The following ATR variants were observed in gnomAD, a reference collection of about 807,000 sequenced individuals.
ATR encodes the protein serine/threonine-protein kinase ATR.
A neutral mutation model predicts 305.3 loss-of-function variants in ATR; 142 were observed. The ratio of observed to expected loss-of-function variants is 0.47; its 90% CI spans 0.41 to 0.53. The LOEUF is 0.53. ATR is among the 20% of genes least tolerant of loss of function. The pLI, the probability that ATR is intolerant of heterozygous loss-of-function variation, is 0.00. For missense variants in ATR, 2,135 were observed against 3,133.1 expected (o/e 0.68, Z 7.60); for synonymous variants, 1,050 against 1,068.1 (o/e 0.98, Z 0.33).
chr3:142,488,898 T>G (rs888138010), intron 35 of ATR, among the ~76,000 whole-genome samples: 1 of 152,238 alleles, frequency 6.6e-6, no homozygotes, highest in African/African-American at 2.4e-5. Context: ...CATTCATACA[T>G]GTATTCTAGC....
chr3:142,549,216 T>C (rs2034388308), intron 15 of ATR, among the ~76,000 whole-genome samples: 1 of 152,296 alleles, frequency 6.6e-6, no homozygotes, highest in Non-Finnish European at 1.5e-5. Context: ...AACTGAAAAG[T>C]ACTATAATGA....
chr3:142,515,974 C>T (rs1234363266), intron 24 of ATR, among the ~76,000 whole-genome samples: 1 of 152,194 alleles, frequency 6.6e-6, no homozygotes, highest in Non-Finnish European at 1.5e-5. Flanking sequence ...CAATGACTTT[C>T]TTCTCTACTT....
intron 41 of ATR, among the ~76,000 whole-genome samples, chr3:142,463,365 G>A (rs745917258): frequency 6.6e-6 from 1 of 152,176 alleles, no homozygotes; most frequent in East Asian, 1.9e-4. Context: ...TCAGTAGTTA[G>A]TGAATTAAGG....
At chr3:142,569,872 C>T (rs897281804) in intron 1 of ATR, among the ~76,000 whole-genome samples, 2 of 151,538 alleles carry the variant, frequency 1.3e-5, no homozygotes, top group Non-Finnish European at 2.9e-5. Context: ...GTCTCAATCT[C>T]CTGACCTCGT....
chr3:142,450,281 G>T, intron 46 of ATR: 1 of 804,768 alleles, frequency 1.2e-6, no homozygotes, highest in South Asian at 1.4e-5. Context: ...TTTTGCAGTT[G>T]CAAACCAGCT....
chr3:142,555,971 A>G lies in ATR; in HGVS notation c.2247T>C (p.Ser749=). ...DLFCRNLKAT[S]QHECSSSQLK... ...GTTGAGAAGATGAACATTCATGTTG[A>G]GAAGTGGCTTTCAAGTTCCTACAGA... is the stretch of plus-strand genomic sequence containing the variant. The change falls in exon 10 of 47, where the codon TCT becomes TCC. Residue 749 remains serine (S), a synonymous_variant. Transcript: ENST00000350721. 6.2e-7 allele frequency: 1 copy of G among 1,614,010 alleles called. No individual in the cohort carries two copies. The highest frequency in any genetic ancestry group is 8.5e-7 in the Non-Finnish European group (1 of 1,179,956).
At chr3:142,517,350 TA>T (rs56080837) in intron 24 of ATR, among the ~76,000 whole-genome samples, 88,960 of 143,418 alleles carry the variant, frequency 0.62, 27,903 homozygotes, top group African/African-American at 0.79. Flanking sequence ...GAGCCCAAAT[TA>T]AAAAAAAAAA....
rs139882495 is a variant in ATR, at chr3:142,469,686, T to C, written c.6320-117A>G. 10 of 851,152 alleles carry C rather than the reference T, an allele frequency of 1.2e-5. No homozygotes were observed. In the East Asian group the frequency reaches 2.1e-4, roughly 18 times the overall value. 52.7% of individuals were successfully genotyped at this position (851,152 alleles called of 1,614,324 possible). On this transcript the variant is annotated intron_variant, in intron 37 of 46. Coordinates refer to ENST00000350721, the MANE Select transcript of ATR (RefSeq NM_001184.4). ...ATAGCTTTAAAGTATGTTATTCCCA[T>C]GCCCAAGGTTAGGTCACTTGCCAAT...
At chr3:142,459,481 T>A in intron 42 of ATR, 98 bp from the exon 43 acceptor site, 1 of 1,343,162 alleles carries the variant, frequency 7.4e-7, no homozygotes. Context: ...CTACTTTTAT[T>A]CAAATTGTTA....
At chr3:142,452,477 C>A (rs1177434168) in intron 46 of ATR, 1 of 787,670 alleles carries the variant, frequency 1.3e-6, no homozygotes, top group Non-Finnish European at 1.5e-6. Flanking sequence ...GGGTTCAAGA[C>A]CAGCCTGGCC....
intron 13 of ATR, among the ~76,000 whole-genome samples, chr3:142,552,005 A>G (rs1024474257): frequency 2.0e-5 from 3 of 152,194 alleles, no homozygotes; most frequent in African/African-American, 7.2e-5. Context: ...AAGGACATAA[A>G]CAGACTCTTC....
intron 46 of ATR, chr3:142,450,419 A>C: frequency 6.3e-7 from 1 of 1,586,544 alleles, no homozygotes; most frequent in South Asian, 1.1e-5. Flanking sequence ...TTCACTTGTG[A>C]CAAGTTTAGC....
intron 35 of ATR, among the ~76,000 whole-genome samples, chr3:142,490,201 G>A (rs1289418801): frequency 1.3e-5 from 2 of 152,150 alleles, no homozygotes; most frequent in African/African-American, 4.8e-5. Context: ...TAAAACTATA[G>A]GCATTCGTCA....
intron 36 of ATR, among the ~76,000 whole-genome samples, chr3:142,476,484 T>C (rs1425071350): frequency 1.3e-5 from 2 of 152,326 alleles, no homozygotes; most frequent in East Asian, 3.9e-4. Flanking sequence ...CCATGCTGTT[T>C]TGGTTACTGT....
intron 1 of ATR, among the ~76,000 whole-genome samples, chr3:142,574,458 CAAAAA>C (rs59441794): frequency 2.6e-5 from 3 of 114,622 alleles, no homozygotes; most frequent in Admixed American, 9.3e-5. Context: ...GAGCCAGTCT[CAAAAA>C]AAAAAAAAAA....
At position 142,505,847 on chromosome 3, in the gene ATR, G is replaced by A. The variant is rs571731873; in HGVS notation, c.5032-544C>T. On this transcript the variant is annotated intron_variant, in intron 28 of 46. Transcript: ENST00000350721. ...GGATAAAGAAGAAAAGCAGACTGACGATAGAGATTAGAGTTTCTACATTTA... is the reference window on the plus strand; with the variant it reads ...GGATAAAGAAGAAAAGCAGACTGACAATAGAGATTAGAGTTTCTACATTTA... 5.3e-5 allele frequency among the ~76,000 whole-genome samples: 8 copies of A among 152,248 alleles called. No individual in the cohort carries two copies. In the South Asian group the frequency reaches 8.3e-4, roughly 16 times the overall value.
rs1328668787 is a variant in ATR at position 142,547,497 on chromosome 3, A to G, written c.3357+228T>C. ...GCCCTAAATATGTAAATATGTAAAC[A>G]AAGTTGTGATAATGCTATAAGAAAA... On this transcript the variant is annotated intron_variant, in intron 16 of 46. Coordinates refer to ENST00000350721, the MANE Select transcript of ATR (RefSeq NM_001184.4). 3.3e-5 allele frequency among the ~76,000 whole-genome samples: 5 copies of G among 152,362 alleles called. No individual in the cohort carries two copies. The East Asian group carries it at 9.6e-4, about 29-fold the overall frequency.
rs2108356595 is a variant in ATR at position 142,505,363 on chromosome 3, C to G, written c.5032-60G>C. On this transcript the variant is annotated intron_variant, in intron 28 of 46. Coordinates refer to ENST00000350721, the MANE Select transcript of ATR (RefSeq NM_001184.4). The stretch of plus-strand genomic sequence containing the variant: ...GAAAAAAACACAACTGGAAATAAAA[C>G]TATAAAACCACCTGTTTATATTGAA... The G allele has an allele frequency of 2.5e-6, 4 of 1,589,020 alleles. No homozygotes were observed. The South Asian group carries it at 3.3e-5, about 13-fold the overall frequency.
At chr3:142,451,451 A>G in intron 46 of ATR, 1 of 1,498,098 alleles carries the variant, frequency 6.7e-7, no homozygotes, top group African/African-American at 1.4e-5. Flanking sequence ...AAGTAAAAAT[A>G]GGAGACTTTG....
Sources: gnomAD v4.1 joint callset for allele counts (sites outside exome capture counted in the v4.1 genomes callset) on GRCh38, gnomAD v4.1.1 for gene constraint, MANE v1.5 for transcripts, NCBI Gene and HGNC (gene_info 2026-07-23, HGNC 2026-07-21) for gene names.